XIAP: variants seen among roughly 807,000 people sequenced by gnomAD.
The protein encoded by XIAP is E3 ubiquitin-protein ligase XIAP.
In XIAP, 3 loss-of-function variants were observed where a neutral mutation model predicts 33.1. That is an observed-to-expected ratio of 0.09 (90% confidence interval 0.04 to 0.23). XIAP has a LOEUF of 0.23. Among genes scored for constraint, XIAP ranks in the 10% least tolerant of loss-of-function variants. The pLI is 1.00. For synonymous variants in XIAP, 98 were observed against 121.3 expected (o/e 0.81, Z 1.26); for missense variants, 264 against 363.0 (o/e 0.73, Z 2.22).
chrX:123,910,205 T>C lies in XIAP; in HGVS notation c.*3024T>C. 1 of 329,485 alleles carries C rather than the reference T, an allele frequency of 3.0e-6. No homozygotes were observed. The highest frequency in any genetic ancestry group is 5.9e-6 in the Non-Finnish European group (1 of 169,975). The allele number at this position is 329,485 out of a possible 1,213,427, so 27.2% of individuals were successfully genotyped here. On this transcript the variant is annotated 3_prime_UTR_variant, in exon 7 of 7. Transcript: ENST00000371199. The stretch of plus-strand genomic sequence containing the variant: ...AATTCCAGTTAATTAATTAATAGCT[T>C]TATATTGCCTTTCCTGCTACATTTG...
Position 123,894,952 on chromosome X carries a change from A to ATAAG in XIAP, c.1099+2183_1099+2186dup, listed in dbSNP as rs576098439. ...GACCGAGATTCTATCTCAAACATAAATAAGTAAATAAATAAATAAATAAAT... is the reference window on the plus strand; with the variant it reads ...GACCGAGATTCTATCTCAAACATAAATAAGTAAGTAAATAAATAAATAAATAAAT... On this transcript the variant is annotated intron_variant, in intron 5 of 6. Coordinates refer to ENST00000371199, the MANE Select transcript of XIAP (RefSeq NM_001167.4). 9.7e-3 allele frequency among the ~76,000 whole-genome samples: 642 copies of ATAAG among 65,970 alleles called. 5 individuals carry two copies. The highest frequency in any genetic ancestry group is 0.012 in the South Asian group (17 of 1,442). 57.3% of individuals were successfully genotyped at this position (65,970 alleles called of 115,157 possible).
intron 5 of XIAP, among the ~76,000 whole-genome samples, chrX:123,899,144 A>AAAAATATATATAT (rs1186271285): frequency 1.0e-4 from 5 of 50,165 alleles, no homozygotes; most frequent in African/African-American, 4.2e-4. Context: ...AAAAAAAAAA[A>AAAAATATATATAT]ATATATATAT....
intron 6 of XIAP, among the ~76,000 whole-genome samples, chrX:123,901,241 C>T (rs771331242): frequency 2.2e-4 from 25 of 111,674 alleles, no homozygotes; most frequent in African/African-American, 6.8e-4. Context: ...AAAAATTAGC[C>T]GGGCATGGTG....
chrX:123,905,807 C>CT (rs1458714678), intron 6 of XIAP, among the ~76,000 whole-genome samples: 1 of 112,238 alleles, frequency 8.9e-6, no homozygotes, highest in Non-Finnish European at 1.9e-5. Flanking sequence ...TTGTACATTT[C>CT]TAAGAGGGAA....
chrX:123,881,637 C>T (rs1398490160), intron 1 of XIAP, among the ~76,000 whole-genome samples: 8 of 111,958 alleles, frequency 7.1e-5, no homozygotes. Flanking sequence ...TCAAAAGCTT[C>T]AAATTGAGAT....
At chrX:123,878,975 G>A (rs2053272076) in intron 1 of XIAP, 1 of 114,736 alleles carries the variant, frequency 8.7e-6, no homozygotes, top group African/African-American at 3.2e-5. Flanking sequence ...GTTAGGATGA[G>A]GTGGCTGCTG....
chrX:123,876,978 C>T (rs182171875), intron 1 of XIAP, among the ~76,000 whole-genome samples: 1 of 110,677 alleles, frequency 9.0e-6, no homozygotes, highest in African/African-American at 3.3e-5. Context: ...ACACACAAAA[C>T]ACAGGGAATG....
At chrX:123,876,461 T>G (rs1289081290) in intron 1 of XIAP, among the ~76,000 whole-genome samples, 1 of 111,169 alleles carries the variant, frequency 9.0e-6, no homozygotes, top group East Asian at 2.8e-4. Flanking sequence ...CACAACACTT[T>G]GGGAGGCCAA....
chrX:123,865,614 C>T (rs2148070202), intron 1 of XIAP, among the ~76,000 whole-genome samples: 1 of 109,125 alleles, frequency 9.2e-6, no homozygotes, highest in African/African-American at 3.3e-5. Context: ...GTCCCAGCTA[C>T]TTGGGAGGCT....
intron 1 of XIAP, among the ~76,000 whole-genome samples, chrX:123,873,492 T>C (rs1223714513): frequency 1.8e-5 from 2 of 108,109 alleles, no homozygotes; most frequent in Admixed American, 2.0e-4. Context: ...CTCTCTTTTT[T>C]GAAACCTGAT....
intron 6 of XIAP, among the ~76,000 whole-genome samples, chrX:123,903,110 A>G (rs1276876535): frequency 2.7e-5 from 3 of 110,906 alleles, no homozygotes; most frequent in Non-Finnish European, 5.7e-5. Flanking sequence ...ATGAAATAAT[A>G]TAGAAAAAAA....
Position 123,908,479 on chromosome X carries a change from G to A in XIAP, c.*1298G>A, listed in dbSNP as rs41312612. 2.2e-5 allele frequency: 8 copies of A among 371,796 alleles called. No individual in the cohort carries two copies. The highest frequency in any genetic ancestry group is 4.1e-5 in the Non-Finnish European group (8 of 196,881). The allele number at this position is 371,796 out of a possible 1,213,427, so 30.6% of individuals were successfully genotyped here. On this transcript the variant is annotated 3_prime_UTR_variant, in exon 7 of 7. Coordinates refer to ENST00000371199, the MANE Select transcript of XIAP (RefSeq NM_001167.4). ...TCAGCTTATGTAGGTAAAAGTAGAA[G>A]CATGTTTGTACACTGCTTGTAGTTA...
chrX:123,886,830 T>TA (rs1053120104), intron 2 of XIAP, among the ~76,000 whole-genome samples: 14 of 111,851 alleles, frequency 1.3e-4, no homozygotes, highest in African/African-American at 4.2e-4. Context: ...AAAATGGGTC[T>TA]AATAGTAATA....
rs1433842468 is a variant in XIAP, at chrX:123,913,301, G to C, written c.*6120G>C. The C allele has an allele frequency of 3.0e-6, 1 of 328,385 alleles. No homozygotes were observed. Among genetic ancestry groups the C allele is most frequent in the East Asian group, 9.8e-5 (1 of 10,232 alleles). 27.1% of individuals were successfully genotyped at this position (328,385 alleles called of 1,213,427 possible). On this transcript the variant is annotated 3_prime_UTR_variant, in exon 7 of 7. Transcript: ENST00000371199. Reference sequence around the variant, plus strand: ...AGCCTGGCCAACATGCTGAAACCCTGTCTGTACAAAAATACAAAAATAGCT... The same window carrying C: ...AGCCTGGCCAACATGCTGAAACCCTCTCTGTACAAAAATACAAAAATAGCT...
intron 5 of XIAP, among the ~76,000 whole-genome samples, chrX:123,897,801 G>GA (rs2053474948): frequency 8.9e-6 from 1 of 112,148 alleles, no homozygotes; most frequent in Non-Finnish European, 1.9e-5. Flanking sequence ...GACCTCAGGT[G>GA]ATCCACCTCA....
chrX:123,910,470 A>G lies in XIAP; in HGVS notation c.*3289A>G, dbSNP rs1443922228. ...CACATGATATACCCTTTAAACCCGA[A>G]TCATTGTTTTATTTCCTGATTACAC... On this transcript the variant is annotated 3_prime_UTR_variant, in exon 7 of 7. Coordinates refer to ENST00000371199, the MANE Select transcript of XIAP (RefSeq NM_001167.4). 3.1e-6 allele frequency: 1 copy of G among 327,787 alleles called. No homozygotes were observed. The highest frequency in any genetic ancestry group is 2.7e-5 in the African/African-American group (1 of 37,604). The allele number at this position is 327,787 out of a possible 1,213,427, so 27.0% of individuals were successfully genotyped here. A position where few individuals can be genotyped will look rare whatever the true frequency, so the allele number is the denominator to read the frequency against.
chrX:123,881,792 A>G (rs1319172373), intron 1 of XIAP, among the ~76,000 whole-genome samples: 2 of 102,603 alleles, frequency 1.9e-5, no homozygotes, highest in African/African-American at 3.6e-5. Context: ...GTCTCACTCT[A>G]TCACCCAGGC....
In XIAP at chrX:123,908,599, G is replaced by A. The variant is rs962546027; in HGVS notation, c.*1418G>A. The A allele has an allele frequency of 1.3e-4, 46 of 359,789 alleles. No individual in the cohort carries two copies. Among genetic ancestry groups the A allele is most frequent in the African/African-American group, 1.1e-3 (42 of 39,087 alleles). The allele number at this position is 359,789 out of a possible 1,213,427, so 29.7% of individuals were successfully genotyped here. A position where few individuals can be genotyped will look rare whatever the true frequency, so the allele number is the denominator to read the frequency against. ...GTTAGGATGATTAAGATGTATATAG[G>A]ACAAAATGTTAAGTCTTTCCTCTAC... On this transcript the variant is annotated 3_prime_UTR_variant, in exon 7 of 7. Coordinates refer to ENST00000371199, the MANE Select transcript of XIAP (RefSeq NM_001167.4).
intron 4 of XIAP, among the ~76,000 whole-genome samples, chrX:123,892,106 C>T (rs188391906): frequency 2.9e-3 from 319 of 111,765 alleles, no homozygotes; most frequent in Non-Finnish European, 4.8e-3. Flanking sequence ...TGGCTCACGC[C>T]TGTAATCCCA....
Sources: gnomAD v4.1 joint callset for allele counts (sites outside exome capture counted in the v4.1 genomes callset) on GRCh38, gnomAD v4.1.1 for gene constraint, MANE v1.5 for transcripts, NCBI Gene and HGNC (gene_info 2026-07-23, HGNC 2026-07-21) for gene names.